The following SHOC2 variants were observed in gnomAD, a reference collection of about 807,000 sequenced individuals.
SHOC2 encodes the protein SHOC2 leucine rich repeat scaffold protein.
A neutral mutation model predicts 50.2 loss-of-function variants in SHOC2; 4 were observed. The ratio of observed to expected loss-of-function variants is 0.08; its 90% CI spans 0.04 to 0.18. The LOEUF is 0.18. Among genes scored for constraint, SHOC2 ranks in the 10% least tolerant of loss-of-function variants. The pLI is 1.00. For synonymous variants in SHOC2, 218 were observed against 244.5 expected (o/e 0.89, Z 1.01); for missense variants, 388 against 669.6 (o/e 0.58, Z 4.64).
intron 1 of SHOC2, among the ~76,000 whole-genome samples, chr10:110,961,496 G>A (rs1428260835): frequency 1.3e-5 from 2 of 152,100 alleles, no homozygotes; most frequent in East Asian, 3.8e-4. Flanking sequence ...TAATAGCTAG[G>A]TCTGGCTGGT....
chr10:111,009,019 T>G (rs1323862352), intron 6 of SHOC2, among the ~76,000 whole-genome samples: 1 of 152,160 alleles, frequency 6.6e-6, no homozygotes, highest in Non-Finnish European at 1.5e-5. Context: ...TTAAATTGCT[T>G]CTTTTGTTTT....
chr10:110,995,086 T>G (rs774595708), intron 3 of SHOC2, among the ~76,000 whole-genome samples: 16 of 152,238 alleles, frequency 1.1e-4, no homozygotes, highest in Non-Finnish European at 2.4e-4. Flanking sequence ...CATATAATTT[T>G]TTGTATCTTG....
At chr10:110,942,188 TTAAA>T (rs1227106452) in intron 1 of SHOC2, among the ~76,000 whole-genome samples, 12 of 152,352 alleles carry the variant, frequency 7.9e-5, no homozygotes, top group African/African-American at 2.6e-4. Flanking sequence ...TCATACAGTA[TTAAA>T]TAAAGACATT....
intron 1 of SHOC2, among the ~76,000 whole-genome samples, chr10:110,939,819 A>G (rs1847101277): frequency 6.6e-6 from 1 of 152,240 alleles, no homozygotes; most frequent in Non-Finnish European, 1.5e-5. Context: ...TGCACAGGCC[A>G]GAGATGGATG....
intron 2 of SHOC2, among the ~76,000 whole-genome samples, chr10:110,965,654 A>G (rs1477424864): frequency 6.6e-6 from 1 of 152,206 alleles, no homozygotes; most frequent in East Asian, 1.9e-4. Context: ...TAGTGAATGC[A>G]GCACTGTTAC....
At chr10:110,945,932 C>T (rs1007696173) in intron 1 of SHOC2, among the ~76,000 whole-genome samples, 1 of 152,162 alleles carries the variant, frequency 6.6e-6, no homozygotes, top group African/African-American at 2.4e-5. Flanking sequence ...TTCCTATGAG[C>T]ATACCCACCC....
Position 110,961,979 on chromosome 10 carries a change from C to T in SHOC2, c.-234-2146C>T, listed in dbSNP as rs371379190. Among the ~76,000 whole-genome samples, 2 of 151,816 alleles carry T rather than the reference C, an allele frequency of 1.3e-5. 1 individual carries two copies. The highest frequency in any genetic ancestry group is 1.3e-4 in the Admixed American group (2 of 15,234). On this transcript the variant is annotated intron_variant, in intron 1 of 8. Transcript: ENST00000369452. ...GTTTATTTTTATAAAATACCTAGAC[C>T]CCCTCTCCCTAAAATTTTGATTCAG...
chr10:111,011,758 G>A lies in SHOC2; in HGVS notation c.1689G>A (p.Gly563=). The A allele has an allele frequency of 6.2e-7, 1 of 1,613,956 alleles. No homozygotes were observed. The highest frequency in any genetic ancestry group is 2.2e-5 in the East Asian group (1 of 44,864). Reference sequence around the variant, plus strand: ...ACCTTCCACCTCAGATTGTTGCTGGGGGGCCTTCTTTCATCATTCAGTTCT... The same window carrying A: ...ACCTTCCACCTCAGATTGTTGCTGGAGGGCCTTCTTTCATCATTCAGTTCT... ...LSHLPPQIVA[G]GPSFIIQFLK... is the part of the protein sequence containing the mutation. Residue 563 remains glycine (G), a synonymous_variant, in exon 9 of 9, where the codon GGG becomes GGA. Coordinates refer to ENST00000369452, the MANE Select transcript of SHOC2 (RefSeq NM_007373.4).
At chr10:110,963,611 G>A (rs1404647035) in intron 1 of SHOC2, among the ~76,000 whole-genome samples, 2 of 152,110 alleles carry the variant, frequency 1.3e-5, no homozygotes, top group African/African-American at 4.8e-5. Flanking sequence ...CTGTTTTAGT[G>A]TAGTGGGTTA....
At chr10:110,936,075 C>T (rs1847001588) in intron 1 of SHOC2, among the ~76,000 whole-genome samples, 1 of 149,760 alleles carries the variant, frequency 6.7e-6, no homozygotes. Flanking sequence ...TTCTTGAGTA[C>T]TCTAGATATT....
At chr10:111,009,499 A>G (rs1368770754) in intron 7 of SHOC2, 114 bp downstream of exon 7, 6 of 983,964 alleles carry the variant, frequency 6.1e-6, no homozygotes, top group Non-Finnish European at 9.4e-6. Context: ...TTCCTATTCT[A>G]GTATTAGGGC....
At chr10:111,004,299 C>T (rs1848431116) in intron 4 of SHOC2, among the ~76,000 whole-genome samples, 1 of 152,206 alleles carries the variant, frequency 6.6e-6, no homozygotes, top group African/African-American at 2.4e-5. Context: ...CACACACAGA[C>T]ATGTTTTCCT....
intron 1 of SHOC2, among the ~76,000 whole-genome samples, chr10:110,944,882 G>T (rs759567733): frequency 2.6e-5 from 4 of 152,186 alleles, no homozygotes; most frequent in Non-Finnish European, 4.4e-5. Context: ...GTGTGTGTGT[G>T]TCTTGGGGCA....
chr10:110,974,899 T>C (rs1413064701), intron 2 of SHOC2, among the ~76,000 whole-genome samples: 1 of 152,230 alleles, frequency 6.6e-6, no homozygotes, highest in East Asian at 1.9e-4. Flanking sequence ...GTTTAAATTA[T>C]GTTTTTAAAC....
rs548548902 is a variant in SHOC2, at chr10:110,998,379, A to T, written c.842-2036A>T. On this transcript the variant is annotated intron_variant, in intron 3 of 8. Transcript: ENST00000369452. Reference sequence around the variant, plus strand: ...TTCTGGGGCTTTGGAAAGTCACTCAATTTTTTTTTTTCTCCTGAGGAATTG... The same window carrying T: ...TTCTGGGGCTTTGGAAAGTCACTCATTTTTTTTTTTTCTCCTGAGGAATTG... Among the ~76,000 whole-genome samples, 14 of 148,452 alleles carry T rather than the reference A, an allele frequency of 9.4e-5. No homozygotes were observed. In the South Asian group the frequency reaches 2.8e-3, roughly 30 times the overall value.
intron 1 of SHOC2, among the ~76,000 whole-genome samples, chr10:110,949,353 A>C (rs545241478): frequency 3.9e-5 from 6 of 152,092 alleles, no homozygotes; most frequent in Non-Finnish European, 7.4e-5. Flanking sequence ...AGAAATAGAA[A>C]TTTTTTTCTA....
At chr10:110,989,188 A>G (rs1485629323) in intron 3 of SHOC2, among the ~76,000 whole-genome samples, 1 of 152,226 alleles carries the variant, frequency 6.6e-6, no homozygotes, top group Non-Finnish European at 1.5e-5. Context: ...GGAGTGATCC[A>G]TAAATATGAA....
At chr10:110,921,322 A>G (rs1202789431) in intron 1 of SHOC2, among the ~76,000 whole-genome samples, 3 of 152,254 alleles carry the variant, frequency 2.0e-5, no homozygotes, top group Non-Finnish European at 4.4e-5. Context: ...GACATAAAGT[A>G]TATTGTAAAC....
intron 1 of SHOC2, among the ~76,000 whole-genome samples, chr10:110,953,860 A>G (rs1472755845): frequency 1.3e-5 from 2 of 151,450 alleles, no homozygotes; most frequent in African/African-American, 4.8e-5. Flanking sequence ...ATCTGGTGAT[A>G]CCTCTTCTAT....
Sources: gnomAD v4.1 joint callset for allele counts (sites outside exome capture counted in the v4.1 genomes callset) on GRCh38, gnomAD v4.1.1 for gene constraint, MANE v1.5 for transcripts, NCBI Gene and HGNC (gene_info 2026-07-23, HGNC 2026-07-21) for gene names.